The following TMEM237 variants were observed in gnomAD, a reference collection of about 807,000 sequenced individuals.
The protein encoded by TMEM237 is amyotrophic lateral sclerosis 2 (juvenile) chromosome region, candidate 4.
TMEM237 carries 51 observed loss-of-function variants against 59.1 expected under a neutral mutation model. The ratio of observed to expected loss-of-function variants is 0.86; its 90% CI spans 0.69 to 1.09. The LOEUF is 1.09. TMEM237 is among the 50% of genes least tolerant of loss of function. The probability of loss-of-function intolerance (pLI) is 0.00; values close to 1 mark genes in which losing one functional copy is unlikely to be tolerated. For missense variants in TMEM237, 475 were observed against 478.3 expected (o/e 0.99, Z 0.06); for synonymous variants, 140 against 166.1 (o/e 0.84, Z 1.21).
intron 10 of TMEM237, 142 bp from the exon 11 acceptor site, chr2:201,627,556 A>G (rs924373396): frequency 1.7e-6 from 1 of 571,714 alleles, no homozygotes; most frequent in African/African-American, 1.9e-5. Context: ...ATATATTTCA[A>G]TAGGCCAGAC....
chr2:201,640,009 A>C (rs1179221529), intron 3 of TMEM237, among the ~76,000 whole-genome samples: 3 of 152,258 alleles, frequency 2.0e-5, no homozygotes, highest in African/African-American at 7.2e-5. Context: ...TCCTCATTAT[A>C]GAGCTACAAA....
At position 201,643,374 on chromosome 2, in the gene TMEM237, C is replaced by T; in HGVS notation, c.27G>A (p.Leu9=). The T allele has an allele frequency of 1.3e-6, 2 of 1,546,642 alleles. No homozygotes were observed. Among genetic ancestry groups the T allele is most frequent in the Non-Finnish European group, 1.7e-6 (2 of 1,145,302 alleles). The change falls in exon 1 of 13, where the codon CTG becomes CTA. Residue 9 remains leucine, a synonymous_variant. Coordinates refer to ENST00000409883, the MANE Select transcript of TMEM237 (RefSeq NM_001044385.3). This position sits in a 1 kb window ranked among gnomAD's most constrained non-coding sequence, Gnocchi z 4.3. MRTDSGAR[L]EEGHLRPPRA... ...CGCCGCTCACCAGGTGGCCCTCCTC[C>T]AGCCGAGCCCCCGAGTCAGTCCTCA... is the stretch of plus-strand genomic sequence containing the variant.
At chr2:201,639,894 A>T (rs1687380702) in intron 3 of TMEM237, among the ~76,000 whole-genome samples, 1 of 152,234 alleles carries the variant, frequency 6.6e-6, no homozygotes, top group Admixed American at 6.5e-5. Context: ...CAGACTTTGT[A>T]TTAATTAGAA....
intron 7 of TMEM237, 55 bp from the exon 8 acceptor site, chr2:201,629,907 A>ATT: frequency 4.5e-6 from 6 of 1,322,660 alleles, no homozygotes; most frequent in South Asian, 3.0e-5. Flanking sequence ...CCTGGTAGCC[A>ATT]TTTTTTTTTT....
At chr2:201,626,757 C>T (rs867674399) in intron 11 of TMEM237, among the ~76,000 whole-genome samples, 1 of 152,124 alleles carries the variant, frequency 6.6e-6, no homozygotes, top group South Asian at 2.1e-4. Context: ...ATGCAGGGCT[C>T]CTTCCGTCCA....
rs1687217940 is a variant in TMEM237, at chr2:201,633,249, A to C, written c.395+62T>G. Reference sequence around the variant, plus strand: ...ACTTAATGAGAAGCTACTGCTTCGGAGCTCCAAACAAAGCATCAGGGTAAT... The same window carrying C: ...ACTTAATGAGAAGCTACTGCTTCGGCGCTCCAAACAAAGCATCAGGGTAAT... On this transcript the variant is annotated intron_variant, in intron 6 of 12. Coordinates refer to ENST00000409883, the MANE Select transcript of TMEM237 (RefSeq NM_001044385.3). 2.0e-6 allele frequency: 3 copies of C among 1,519,568 alleles called. No homozygotes were observed. The African/African-American group carries it at 4.2e-5, about 21-fold the overall frequency. The allele number at this position is 1,519,568 out of a possible 1,614,324, so 94.1% of individuals were successfully genotyped here. A position where few individuals can be genotyped will look rare whatever the true frequency, so the allele number is the denominator to read the frequency against.
chr2:201,642,183 A>G (rs190819778), intron 1 of TMEM237, among the ~76,000 whole-genome samples: 2 of 152,378 alleles, frequency 1.3e-5, no homozygotes, highest in Non-Finnish European at 2.9e-5. Context: ...AGAATCATAT[A>G]GTAACAGAAA....
chr2:201,641,612 TATG>T (rs1335497092), intron 1 of TMEM237, among the ~76,000 whole-genome samples: 1 of 150,910 alleles, frequency 6.6e-6, no homozygotes, highest in Non-Finnish European at 1.5e-5. Flanking sequence ...AAAATATATA[TATG>T]ATAATATATA....
chr2:201,638,962 C>A, intron 4 of TMEM237, 27 bp downstream of exon 4: 1 of 1,564,518 alleles, frequency 6.4e-7, no homozygotes, highest in South Asian at 1.2e-5. Flanking sequence ...AACTTGTGAT[C>A]CCACACAACA....
At chr2:201,630,598 T>C (rs1176125149) in intron 7 of TMEM237, among the ~76,000 whole-genome samples, 4 of 152,212 alleles carry the variant, frequency 2.6e-5, no homozygotes, top group African/African-American at 7.2e-5. Context: ...AGACAACTTC[T>C]GGGCAGACAA....
chr2:201,626,250 G>T, intron 11 of TMEM237, 103 bp from the exon 12 acceptor site: 2 of 1,239,534 alleles, frequency 1.6e-6, no homozygotes, highest in Non-Finnish European at 2.2e-6. Context: ...TCCTCTCCTA[G>T]AGAAATAACA....
chr2:201,624,289 G>A lies in TMEM237; in HGVS notation c.1193C>T (p.Pro398Leu). ...LMFSSEVEEY[P>L]DKEKEIKASS ...GGCTTTGATTTCTTTCTCTTTATCA[G>A]GATATTCTTCCACCTCTGAGGAGAA... Residue 398 changes from proline to leucine, a missense_variant, in exon 13 of 13, where the codon CCT (proline) becomes CTT (leucine). Physicochemically the swap from Pro to Leu is moderately conservative, Grantham distance 98. Coordinates refer to ENST00000409883, the MANE Select transcript of TMEM237 (RefSeq NM_001044385.3). 6.2e-7 allele frequency: 1 copy of A among 1,612,238 alleles called. No homozygotes were observed. The highest frequency in any genetic ancestry group is 1.1e-5 in the South Asian group (1 of 90,924).
chr2:201,625,432 T>C (rs1957750429), intron 12 of TMEM237, among the ~76,000 whole-genome samples: 1 of 151,850 alleles, frequency 6.6e-6, no homozygotes, highest in Non-Finnish European at 1.5e-5. Flanking sequence ...GGAAACACAA[T>C]TTACAATACA....
rs1957757793 is a variant in TMEM237 at position 201,626,230 on chromosome 2, A to ATGTTTTTTCTT, written c.1038-84_1038-83insAAGAAAAAACA. On this transcript the variant is annotated intron_variant, in intron 11 of 12. Coordinates refer to ENST00000409883, the MANE Select transcript of TMEM237 (RefSeq NM_001044385.3). ...ATATCTATTTTATGAACTTTAAGAA[A>ATGTTTTTTCTT]AAACAGCAGTCCTCTCCTAGAGAAA... 2.8e-6 allele frequency: 4 copies of ATGTTTTTTCTT among 1,430,484 alleles called. No individual in the cohort carries two copies. In the African/African-American group the frequency reaches 5.8e-5, roughly 21 times the overall value. The allele number at this position is 1,430,484 out of a possible 1,614,324, so 88.6% of individuals were successfully genotyped here.
At chr2:201,642,469 C>G in intron 1 of TMEM237, 1 of 921,368 alleles carries the variant, frequency 1.1e-6, no homozygotes, top group Non-Finnish European at 1.6e-6. Context: ...TCCCAGGGCT[C>G]TGTTCACGTA....
intron 7 of TMEM237, 143 bp from the exon 8 acceptor site, chr2:201,629,995 C>A (rs1957795223): frequency 2.9e-6 from 3 of 1,019,656 alleles, no homozygotes; most frequent in East Asian, 2.8e-5. Flanking sequence ...TGACTCAGTA[C>A]CTATTTCAGA....
chr2:201,643,274 G>GGGGGGCC lies in TMEM237; in HGVS notation c.42+84_42+85insGGCCCCC. ...CCTTAGTGATTCCCAGCTCGTTGGC[G>GGGGGGCC]CCCCCCCACACACACCCACCCCCAC... On this transcript the variant is annotated intron_variant, in intron 1 of 12. Transcript: ENST00000409883. The surrounding 1 kb of genome is among the most constrained non-coding windows in gnomAD (Gnocchi z 4.3). 1 of 1,206,760 alleles carries GGGGGGCC rather than the reference G, an allele frequency of 8.3e-7. No individual in the cohort carries two copies. Among genetic ancestry groups the GGGGGGCC allele is most frequent in the Non-Finnish European group, 1.2e-6 (1 of 849,320 alleles). 74.8% of individuals were successfully genotyped at this position (1,206,760 alleles called of 1,614,324 possible).
In TMEM237 at chr2:201,642,844, TG is replaced by T. The variant is rs1687458045; in HGVS notation, c.42+514del. ...CCTGCCAAAAAGGGGGCCTCGGAGT[TG>T]GGGGTAATGTGCCCAGGAGCAGAAA... On this transcript the variant is annotated intron_variant, in intron 1 of 12. Transcript: ENST00000409883. 6 of 1,342,410 alleles carry T rather than the reference TG, an allele frequency of 4.5e-6. No individual in the cohort carries two copies. The South Asian group carries it at 1.2e-4, about 26-fold the overall frequency. 83.2% of individuals were successfully genotyped at this position (1,342,410 alleles called of 1,614,324 possible).
intron 6 of TMEM237, among the ~76,000 whole-genome samples, chr2:201,632,470 G>A (rs1332541822): frequency 6.6e-6 from 1 of 152,262 alleles, no homozygotes; most frequent in Non-Finnish European, 1.5e-5. Flanking sequence ...GTATGATTCT[G>A]TATAGATACT....
Sources: allele counts gnomAD v4.1 joint callset (sites outside exome capture counted in the v4.1 genomes callset), GRCh38; gene constraint gnomAD v4.1.1; non-coding constraint Gnocchi (gnomAD v3.1); transcripts MANE v1.5; gene names NCBI Gene and HGNC (gene_info 2026-07-23, HGNC 2026-07-21).